OPRD1: variants seen among roughly 807,000 people sequenced by gnomAD.
The protein encoded by OPRD1 is delta-type opioid receptor.
A neutral mutation model predicts 17.5 loss-of-function variants in OPRD1; 19 were observed. The observed-to-expected ratio is 1.09, with a 90% confidence interval of 0.76 to 1.60. The LOEUF (loss-of-function observed/expected upper bound fraction) is 1.60. Ranked by LOEUF, OPRD1 falls within the 40% of genes most tolerant of loss-of-function variation. The probability of loss-of-function intolerance (pLI) is 0.00; values close to 1 mark genes in which losing one functional copy is unlikely to be tolerated. For synonymous variants in OPRD1, 256 were observed against 240.9 expected, an observed-to-expected ratio of 1.06 and a Z score of -0.58; for missense variants, 483 against 547.2, an observed-to-expected ratio of 0.88 and a Z score of 1.17.
chr1:28,823,577 G>A (rs942306984), intron 1 of OPRD1, among the ~76,000 whole-genome samples: 7 of 151,878 alleles, frequency 4.6e-5, no homozygotes, highest in African/African-American at 1.7e-4. Flanking sequence ...TGTATTTTTT[G>A]TAGAGACGGG....
chr1:28,817,103 C>T (rs1416744995), intron 1 of OPRD1, among the ~76,000 whole-genome samples: 1 of 152,190 alleles, frequency 6.6e-6, no homozygotes, highest in African/African-American at 2.4e-5. Flanking sequence ...CATGAGACGC[C>T]TTCAGCCTGT....
At chr1:28,837,314 C>G (rs932672551) in intron 1 of OPRD1, among the ~76,000 whole-genome samples, 1 of 152,058 alleles carries the variant, frequency 6.6e-6, no homozygotes, top group South Asian at 2.1e-4. Flanking sequence ...AAGCTTCACT[C>G]GCCCACTGCT....
intron 1 of OPRD1, among the ~76,000 whole-genome samples, chr1:28,826,544 T>C (rs2088770156): frequency 6.6e-6 from 1 of 152,092 alleles, no homozygotes; most frequent in Admixed American, 6.6e-5. Context: ...AAGTTGTTTA[T>C]ACTGTAGTCT....
intron 1 of OPRD1, among the ~76,000 whole-genome samples, chr1:28,846,886 CTT>C (rs1260861442): frequency 0.014 from 750 of 55,490 alleles, 13 homozygotes; most frequent in African/African-American, 0.028. Context: ...TTCTTTCTTT[CTT>C]TCTTTTCTCT....
At chr1:28,856,056 G>A (rs190902815) in intron 1 of OPRD1, among the ~76,000 whole-genome samples, 259 of 152,318 alleles carry the variant, frequency 1.7e-3, no homozygotes, top group African/African-American at 6.1e-3. Flanking sequence ...CTCGTCCTAG[G>A]TGTCCAGGGC....
rs777202074 is a variant in OPRD1, at chr1:28,863,038, C to T, written c.874C>T (p.Arg292Cys). The change falls in exon 3 of 3, where the codon CGC (arginine) becomes TGC (cysteine). Residue 292 changes from arginine to cysteine, a missense_variant. Coordinates refer to ENST00000234961, the MANE Select transcript of OPRD1 (RefSeq NM_000911.4). ...IVWTLVDIDRRDPLVVAALHL... is the reference protein window; with the variant it reads ...IVWTLVDIDRCDPLVVAALHL... ...CTGGACGCTGGTGGACATCGACCGG[C>T]GCGACCCGCTGGTGGTGGCTGCGCT... The T allele has an allele frequency of 4.4e-6, 7 of 1,605,730 alleles. No homozygotes were observed. In the South Asian group the frequency reaches 6.7e-5, roughly 15 times the overall value.
At chr1:28,844,417 A>G (rs2088922432) in intron 1 of OPRD1, among the ~76,000 whole-genome samples, 1 of 152,034 alleles carries the variant, frequency 6.6e-6, no homozygotes, top group African/African-American at 2.4e-5. Context: ...CGGCCCTCCA[A>G]GTAGCTGGGA....
At chr1:28,834,628 C>T (rs1365056632) in intron 1 of OPRD1, among the ~76,000 whole-genome samples, 6 of 152,106 alleles carry the variant, frequency 3.9e-5, no homozygotes, top group Admixed American at 3.9e-4. Context: ...GATCCTCCCA[C>T]CTCGGACTCC....
rs370508985 is a variant in OPRD1 at position 28,870,234 on chromosome 1, T to C, written c.*6951T>C. ...CATGCCTGCACCAACCCATGCTTCT[T>C]TTTTTTTTTCTTTCTTTCTTTCTTT... On this transcript the variant is annotated 3_prime_UTR_variant, in exon 3 of 3. Coordinates refer to ENST00000234961, the MANE Select transcript of OPRD1 (RefSeq NM_000911.4). The C allele has an allele frequency of 7.2e-6, 1 of 138,200 alleles. No individual in the cohort carries two copies. Among genetic ancestry groups the C allele is most frequent in the Non-Finnish European group, 1.7e-5 (1 of 60,120 alleles). 8.6% of individuals were successfully genotyped at this position (138,200 alleles called of 1,614,324 possible). A position where few individuals can be genotyped will look rare whatever the true frequency, so the allele number is the denominator to read the frequency against.
intron 1 of OPRD1, among the ~76,000 whole-genome samples, chr1:28,858,697 C>G (rs1467381619): frequency 6.6e-6 from 1 of 151,956 alleles, no homozygotes; most frequent in Non-Finnish European, 1.5e-5. Context: ...AGGCACCCAC[C>G]ACCACACCCA....
intron 1 of OPRD1, among the ~76,000 whole-genome samples, chr1:28,854,810 G>T (rs761473186): frequency 1.3e-5 from 2 of 151,980 alleles, no homozygotes; most frequent in Non-Finnish European, 2.9e-5. Context: ...ATGCCACTAC[G>T]CCCGGCTAAT....
intron 1 of OPRD1, among the ~76,000 whole-genome samples, chr1:28,857,665 T>G (rs1163173801): frequency 6.6e-6 from 1 of 152,016 alleles, no homozygotes; most frequent in Non-Finnish European, 1.5e-5. Context: ...TTATTGTTAT[T>G]TGTAGATATG....
intron 2 of OPRD1, among the ~76,000 whole-genome samples, chr1:28,860,085 T>C (rs552478546): frequency 3.0e-4 from 45 of 152,192 alleles, no homozygotes; most frequent in African/African-American, 9.9e-4. Flanking sequence ...TAAATGTTGG[T>C]TGGGTGCAGT....
At chr1:28,858,494 C>T (rs1035582109) in intron 1 of OPRD1, among the ~76,000 whole-genome samples, 7 of 151,598 alleles carry the variant, frequency 4.6e-5, no homozygotes, top group Non-Finnish European at 1.0e-4. Flanking sequence ...GGGAAAGGAG[C>T]GATGCCAAAT....
rs566246902 is a variant in OPRD1 at position 28,829,753 on chromosome 1, A to G, written c.227+17143A>G. On this transcript the variant is annotated intron_variant, in intron 1 of 2. Transcript: ENST00000234961. ...GAGACAGGGTCTTGCTCTGTCGCCC[A>G]GGCTGGAGTGCAGTGATGCAATCAT... Among the ~76,000 whole-genome samples the G allele has an allele frequency of 4.6e-3, 703 of 152,270 alleles. 3 individuals carry two copies. Among genetic ancestry groups the G allele is most frequent in the Non-Finnish European group, 7.9e-3 (536 of 68,012 alleles).
rs548822035 is a variant in OPRD1 at position 28,867,881 on chromosome 1, A to G, written c.*4598A>G. 3 of 152,294 alleles carry G rather than the reference A, an allele frequency of 2.0e-5. No individual in the cohort carries two copies. Among genetic ancestry groups the G allele is most frequent in the Non-Finnish European group, 4.4e-5 (3 of 68,084 alleles). 9.4% of individuals were successfully genotyped at this position (152,294 alleles called of 1,614,324 possible). A position where few individuals can be genotyped will look rare whatever the true frequency, so the allele number is the denominator to read the frequency against. On this transcript the variant is annotated 3_prime_UTR_variant, in exon 3 of 3. Transcript: ENST00000234961. ...TTCAGGGTCAGAGCTAGAGACCTAC[A>G]GGGAAGAGTAGGTGAGCTGTCGGGG...
At chr1:28,823,310 C>T (rs530656846) in intron 1 of OPRD1, among the ~76,000 whole-genome samples, 1 of 150,762 alleles carries the variant, frequency 6.6e-6, no homozygotes, top group East Asian at 1.9e-4. Flanking sequence ...GATTCTCATG[C>T]CTCAGCCTCC....
rs1220337665 is a variant in OPRD1, at chr1:28,865,997, A to T, written c.*2714A>T. 6.6e-6 allele frequency: 1 copy of T among 152,070 alleles called. No individual in the cohort carries two copies. The highest frequency in any genetic ancestry group is 3.4e-3 in the Middle Eastern group (1 of 296). The allele number at this position is 152,070 out of a possible 1,614,324, so 9.4% of individuals were successfully genotyped here. A position where few individuals can be genotyped will look rare whatever the true frequency, so the allele number is the denominator to read the frequency against. ...ATCTGGCTGTTTTTTGCCCCTTCTG[A>T]TATGTAAATCTGTCCTGAGGTCAGC... On this transcript the variant is annotated 3_prime_UTR_variant, in exon 3 of 3. Transcript: ENST00000234961.
chr1:28,834,895 C>A (rs1048139965), intron 1 of OPRD1, among the ~76,000 whole-genome samples: 1 of 152,162 alleles, frequency 6.6e-6, no homozygotes, highest in African/African-American at 2.4e-5. Context: ...CACCGCCCTT[C>A]CAGCCAACAG....
Sources: gnomAD v4.1 joint callset for allele counts (sites outside exome capture counted in the v4.1 genomes callset) on GRCh38, gnomAD v4.1.1 for gene constraint, MANE v1.5 for transcripts, NCBI Gene and HGNC (gene_info 2026-07-23, HGNC 2026-07-21) for gene names.